Variants in TRPC1 observed in about 807,000 individuals in gnomAD.
TRPC1 encodes transient receptor potential cation channel subfamily C member 1.
TRPC1 carries 42 observed loss-of-function variants against 88.2 expected under a neutral mutation model. The ratio of observed to expected loss-of-function variants is 0.48; its 90% CI spans 0.37 to 0.62. TRPC1 has a LOEUF of 0.62. Ranked by LOEUF, TRPC1 falls within the 20% of genes least tolerant of loss-of-function variation. The pLI, the probability that TRPC1 is intolerant of heterozygous loss-of-function variation, is 0.00. For synonymous variants in TRPC1, 288 were observed against 331.8 expected, an observed-to-expected ratio of 0.87 and a Z score of 1.43; for missense variants, 699 against 957.3, an observed-to-expected ratio of 0.73 and a Z score of 3.56.
chr3:142,766,080 C>T (rs190572995), intron 4 of TRPC1, among the ~76,000 whole-genome samples: 5 of 151,494 alleles, frequency 3.3e-5, no homozygotes, highest in South Asian at 2.1e-4. Context: ...GAAAAAGGAA[C>T]GCTTATGTGT....
intron 3 of TRPC1, among the ~76,000 whole-genome samples, chr3:142,745,012 A>G (rs1934491283): frequency 6.6e-6 from 1 of 152,194 alleles, no homozygotes; most frequent in Non-Finnish European, 1.5e-5. Flanking sequence ...GCTAAATTGC[A>G]TACTTTGTTA....
At chr3:142,774,464 C>G (rs1577985213) in intron 4 of TRPC1, among the ~76,000 whole-genome samples, 1 of 152,180 alleles carries the variant, frequency 6.6e-6, no homozygotes. Flanking sequence ...GCCAGTAGAG[C>G]TATAGGCTTT....
chr3:142,781,993 G>A (rs998491061), intron 6 of TRPC1, among the ~76,000 whole-genome samples: 4 of 152,076 alleles, frequency 2.6e-5, no homozygotes, highest in African/African-American at 9.7e-5. Flanking sequence ...AATTGATGGA[G>A]GAATTGATGG....
intron 4 of TRPC1, among the ~76,000 whole-genome samples, chr3:142,761,583 C>T (rs1434261869): frequency 1.3e-5 from 2 of 152,036 alleles, no homozygotes; most frequent in Non-Finnish European, 2.9e-5. Context: ...TAATGCTGGC[C>T]TCTTTGGATG....
intron 6 of TRPC1, among the ~76,000 whole-genome samples, chr3:142,783,113 A>T (rs368396501): frequency 2.0e-5 from 3 of 152,172 alleles, no homozygotes; most frequent in Non-Finnish European, 2.9e-5. Context: ...TCCATCTTTC[A>T]CTGCAGACTT....
chr3:142,762,698 G>A (rs1294186542), intron 4 of TRPC1, among the ~76,000 whole-genome samples: 1 of 151,702 alleles, frequency 6.6e-6, no homozygotes, highest in Non-Finnish European at 1.5e-5. Flanking sequence ...CAAAGTGCTG[G>A]GATTACAGGC....
intron 4 of TRPC1, among the ~76,000 whole-genome samples, chr3:142,753,865 C>T (rs753296644): frequency 9.2e-5 from 14 of 151,826 alleles, no homozygotes; most frequent in Non-Finnish European, 1.5e-4. Flanking sequence ...GAGGCCAAGG[C>T]GGGTGAATCA....
chr3:142,802,176 TG>T lies in TRPC1; in HGVS notation c.1592del (p.Gly531AspfsTer25). On this transcript the variant is annotated frameshift_variant, in exon 10 of 13. Coordinates refer to ENST00000476941, the MANE Select transcript of TRPC1 (RefSeq NM_001251845.2). LOFTEE classifies it high-confidence loss of function. ...SSILGPLQISMGQMLQDFGKF... is the reference protein window; with the variant it reads ...SSILGPLQISXGQMLQDFGKF... ...GTGTAATATATTCCACAGATTTCAATGGGACAGATGTTACAAGATTTTGGAA... is the reference window on the plus strand; with the variant it reads ...GTGTAATATATTCCACAGATTTCAATGGACAGATGTTACAAGATTTTGGAA... 1 of 1,566,288 alleles carries T rather than the reference TG, an allele frequency of 6.4e-7. No homozygotes were observed. Among genetic ancestry groups the T allele is most frequent in the South Asian group, 1.2e-5 (1 of 80,630 alleles).
In TRPC1 at chr3:142,804,476, T is replaced by TA; in HGVS notation, c.2001dup (p.Trp668MetfsTer3). ...GAATGGAAGTTTGCTCGAGCAAAAT[T>TA]ATGGCTTAGCTACTTTGATGACAAA... On this transcript the variant is annotated frameshift_variant, in exon 12 of 13. Transcript: ENST00000476941. LOFTEE classifies it high-confidence loss of function. 3 of 1,611,324 alleles carry TA rather than the reference T, an allele frequency of 1.9e-6. No individual in the cohort carries two copies. Among genetic ancestry groups the TA allele is most frequent in the Non-Finnish European group, 2.5e-6 (3 of 1,179,178 alleles).
At chr3:142,797,117 G>C (rs1936477053) in intron 9 of TRPC1, among the ~76,000 whole-genome samples, 1 of 150,634 alleles carries the variant, frequency 6.6e-6, no homozygotes, top group South Asian at 2.1e-4. Flanking sequence ...TTCAGCTTCT[G>C]TTTTTGACCT....
At chr3:142,726,123 C>T (rs1358430754) in intron 1 of TRPC1, among the ~76,000 whole-genome samples, 1 of 152,002 alleles carries the variant, frequency 6.6e-6, no homozygotes, top group East Asian at 1.9e-4. Context: ...AGTTCTCTTC[C>T]CTCAAAAGTT....
chr3:142,796,249 A>G (rs933653934), intron 9 of TRPC1, among the ~76,000 whole-genome samples: 13 of 152,010 alleles, frequency 8.6e-5, no homozygotes, highest in Admixed American at 6.6e-5. Flanking sequence ...ACTATACTAA[A>G]TCGCCCCCCA....
chr3:142,806,212 G>C lies in TRPC1; in HGVS notation c.2359G>C (p.Ala787Pro). 3 of 1,607,892 alleles carry C rather than the reference G, an allele frequency of 1.9e-6. No individual in the cohort carries two copies. Among genetic ancestry groups the C allele is most frequent in the Non-Finnish European group, 2.6e-6 (3 of 1,175,160 alleles). ...DLLGFRTSKYAMFYPRN is the reference protein window; with the variant it reads ...DLLGFRTSKYPMFYPRN Reference sequence around the variant, plus strand: ...ACTTGGCTTTCGGACTTCTAAATATGCTATGTTTTATCCAAGAAATTAACC... The same window carrying C: ...ACTTGGCTTTCGGACTTCTAAATATCCTATGTTTTATCCAAGAAATTAACC... Residue 787 changes from alanine (A) to proline (P), a missense_variant, in exon 13 of 13, where the codon GCT becomes CCT. Ala to Pro is a conservative substitution (Grantham distance 27, BLOSUM62 -1). Transcript: ENST00000476941.
intron 2 of TRPC1, among the ~76,000 whole-genome samples, chr3:142,743,133 G>T (rs568417007): frequency 3.6e-4 from 54 of 151,980 alleles, no homozygotes; most frequent in African/African-American, 1.2e-3. Flanking sequence ...GATTTGGATT[G>T]TTAAGATTCT....
At chr3:142,731,374 A>ATTTTTTTTTT (rs59613066) in intron 1 of TRPC1, among the ~76,000 whole-genome samples, 14 of 79,526 alleles carry the variant, frequency 1.8e-4, no homozygotes, top group Non-Finnish European at 2.9e-4. Context: ...ATATGTTTTG[A>ATTTTTTTTTT]TTTTTTTTTT....
At chr3:142,783,368 A>G (rs1936023216) in intron 6 of TRPC1, among the ~76,000 whole-genome samples, 1 of 152,202 alleles carries the variant, frequency 6.6e-6, no homozygotes, top group Admixed American at 6.5e-5. Context: ...GAACATTGGA[A>G]TCTGAGCAGA....
rs1239961434 is a variant in TRPC1 at position 142,806,088 on chromosome 3, C to T, written c.2235C>T (p.Ser745=). 6.2e-7 allele frequency: 1 copy of T among 1,613,922 alleles called. No homozygotes were observed. The highest frequency in any genetic ancestry group is 1.1e-5 in the South Asian group (1 of 91,076). The change falls in exon 13 of 13, where the codon TCC becomes TCT. Residue 745 remains serine (S), a synonymous_variant. Coordinates refer to ENST00000476941, the MANE Select transcript of TRPC1 (RefSeq NM_001251845.2). ...MCCLVHRYLT[S]MRQKMQSTDQ... ...GCCTAGTGCATCGTTACTTGACTTC[C>T]ATGAGACAGAAGATGCAAAGTACAG...
chr3:142,791,144 G>A lies in TRPC1; in HGVS notation c.1423G>A (p.Val475Ile), dbSNP rs770448792. The change falls in exon 8 of 13, where the codon GTT (valine) becomes ATT (isoleucine). Residue 475 changes from valine to isoleucine, a missense_variant. Physicochemically the swap from Val to Ile is conservative, Grantham distance 29. Transcript: ENST00000476941. ...LYLATFALKV[V>I]AHNKFHDFAD... The stretch of plus-strand genomic sequence containing the variant: ...TTTGGCAACCTTTGCCCTCAAAGTG[G>A]TTGCTCACAACAAGGTGACTATTTA... The A allele has an allele frequency of 1.9e-6, 3 of 1,604,002 alleles. No homozygotes were observed. The highest frequency in any genetic ancestry group is 1.7e-6 in the Non-Finnish European group (2 of 1,176,474).
intron 4 of TRPC1, among the ~76,000 whole-genome samples, chr3:142,752,211 TC>T (rs1196650896): frequency 4.6e-5 from 7 of 152,210 alleles, no homozygotes; most frequent in Admixed American, 4.6e-4. Flanking sequence ...GCCTCTGAGT[TC>T]CCTCAGTTTT....
Sources: allele counts gnomAD v4.1 joint callset (sites outside exome capture counted in the v4.1 genomes callset), GRCh38; gene constraint gnomAD v4.1.1; transcripts MANE v1.5; gene names NCBI Gene and HGNC (gene_info 2026-07-23, HGNC 2026-07-21).